Variants in PCNX4 observed in about 807,000 individuals in gnomAD.
PCNX4 encodes the protein pecanex 4.
In PCNX4, 103 loss-of-function variants were observed where a neutral mutation model predicts 107.2. The ratio of observed to expected loss-of-function variants is 0.96; its 90% CI spans 0.82 to 1.13. The LOEUF is 1.13. Ranked by LOEUF, PCNX4 falls within the 50% of genes most tolerant of loss-of-function variation. The probability of loss-of-function intolerance (pLI) is 0.00; values close to 1 mark genes in which losing one functional copy is unlikely to be tolerated. For missense variants in PCNX4, 1,528 were observed against 1,379.4 expected (o/e 1.11, Z -1.71); for synonymous variants, 541 against 481.7 (o/e 1.12, Z -1.61).
rs1428724226 is a variant in PCNX4 at position 60,134,506 on chromosome 14, A to G, written c.*285A>G. 3.0e-6 allele frequency: 1 copy of G among 330,800 alleles called. No individual in the cohort carries two copies. The highest frequency in any genetic ancestry group is 5.7e-5 in the South Asian group (1 of 17,580). The allele number at this position is 330,800 out of a possible 1,614,324, so 20.5% of individuals were successfully genotyped here. A position where few individuals can be genotyped will look rare whatever the true frequency, so the allele number is the denominator to read the frequency against. On this transcript the variant is annotated 3_prime_UTR_variant, in exon 11 of 11. Coordinates refer to ENST00000406854, the MANE Select transcript of PCNX4 (RefSeq NM_001330177.2). ...GAAAACTTTTGTAGAATTATCATAT[A>G]ATGAATTTTGTAATGCTTTCTTAAA...
intron 2 of PCNX4, among the ~76,000 whole-genome samples, chr14:60,111,940 A>G (rs1895747851): frequency 6.6e-6 from 1 of 152,230 alleles, no homozygotes; most frequent in Non-Finnish European, 1.5e-5. Context: ...TCATCTCTAG[A>G]CAATAGGTGT....
rs1896242244 is a variant in PCNX4, at chr14:60,136,525, T to C, written c.*2304T>C. On this transcript the variant is annotated 3_prime_UTR_variant, in exon 11 of 11. Transcript: ENST00000406854. ...ACTTGGTATATTAAAAACTGACTGTTAGATTTTGAAGGGAAGGTGAGAGTT... is the reference window on the plus strand; with the variant it reads ...ACTTGGTATATTAAAAACTGACTGTCAGATTTTGAAGGGAAGGTGAGAGTT... 1 of 152,290 alleles carries C rather than the reference T, an allele frequency of 6.6e-6. No individual in the cohort carries two copies. The highest frequency in any genetic ancestry group is 2.1e-4 in the South Asian group (1 of 4,830). 9.4% of individuals were successfully genotyped at this position (152,290 alleles called of 1,614,324 possible).
chr14:60,108,258 C>G lies in PCNX4; in HGVS notation c.620C>G (p.Thr207Ser). 11 of 1,612,626 alleles carry G rather than the reference C, an allele frequency of 6.8e-6. No individual in the cohort carries two copies. Among genetic ancestry groups the G allele is most frequent in the Non-Finnish European group, 8.5e-6 (10 of 1,179,730 alleles). The change falls in exon 2 of 11, where the codon ACT becomes AGT. Residue 207 changes from threonine (T) to serine (S), a missense_variant. Coordinates refer to ENST00000406854, the MANE Select transcript of PCNX4 (RefSeq NM_001330177.2). ...ACTGCGACTTTCCAAACACAGGATA[C>G]TTATGAAATTATTCCTCTTATGAGA... The part of the protein sequence containing the change: ...TETATFQTQD[T>S]YEIIPLMRPL...
rs1474064395 is a variant in PCNX4 at position 60,138,768 on chromosome 14, T to G, written c.*4547T>G. 1.3e-5 allele frequency: 2 copies of G among 152,024 alleles called. No homozygotes were observed. The highest frequency in any genetic ancestry group is 2.9e-5 in the Non-Finnish European group (2 of 67,974). 9.4% of individuals were successfully genotyped at this position (152,024 alleles called of 1,614,324 possible). On this transcript the variant is annotated 3_prime_UTR_variant, in exon 11 of 11. Coordinates refer to ENST00000406854, the MANE Select transcript of PCNX4 (RefSeq NM_001330177.2). ...AAAGATCCCAGAAAAAGGTTAGAGA[T>G]AAAGGTAGGAATGAACAGTAATTTA... is the stretch of plus-strand genomic sequence containing the variant.
At chr14:60,111,793 GT>G (rs1156799670) in intron 2 of PCNX4, among the ~76,000 whole-genome samples, 1 of 152,080 alleles carries the variant, frequency 6.6e-6, no homozygotes, top group African/African-American at 2.4e-5. Flanking sequence ...ATTACAAAGA[GT>G]TTTTTGTTTT....
rs768434293 is a variant in PCNX4 at position 60,133,984 on chromosome 14, G to A, written c.3282G>A (p.Gly1094=). 6.2e-7 allele frequency: 1 copy of A among 1,612,658 alleles called. No homozygotes were observed. Among genetic ancestry groups the A allele is most frequent in the Non-Finnish European group, 8.5e-7 (1 of 1,179,154 alleles). ...GYDSNMGIYT[G]RVLSLQELLI... ...TTACTTTAAAGGGAATTTACACTGGGAGAGTGCTTAGCCTTCAAGAATTAT... is the reference window on the plus strand; with the variant it reads ...TTACTTTAAAGGGAATTTACACTGGAAGAGTGCTTAGCCTTCAAGAATTAT... Residue 1094 remains glycine (G), a synonymous_variant, in exon 11 of 11, where the codon GGG becomes GGA. Transcript: ENST00000406854.
Position 60,124,983 on chromosome 14 carries a change from T to C in PCNX4, c.2812T>C (p.Tyr938His), listed in dbSNP as rs78310955. ...EMSSLFPEDW[Y>H]QFVLRQLECY... ...GAGCTCGTTATTTCCAGAAGACTGG[T>C]ACCAATTTGTTCTAAGGCAGTTGGA... The change falls in exon 9 of 11, where the codon TAC (tyrosine) becomes CAC (histidine). Residue 938 changes from tyrosine to histidine, a missense_variant. Physicochemically the swap from Tyr to His is moderately conservative, Grantham distance 83. Coordinates refer to ENST00000406854, the MANE Select transcript of PCNX4 (RefSeq NM_001330177.2). 493 of 1,613,860 alleles carry C rather than the reference T, an allele frequency of 3.1e-4. 6 individuals carry two copies. The East Asian group carries it at 0.011, about 35-fold the overall frequency.
chr14:60,128,202 T>C (rs1307413170), intron 10 of PCNX4, among the ~76,000 whole-genome samples: 2 of 152,224 alleles, frequency 1.3e-5, no homozygotes, highest in African/African-American at 4.8e-5. Flanking sequence ...CTGAAACTTC[T>C]TAAATTTATT....
Position 60,136,976 on chromosome 14 carries a change from C to T in PCNX4, c.*2755C>T, listed in dbSNP as rs558457148. ...CAAAATGGTGCAGTTTGGACTAACA[C>T]TAACGTTACTGAATTTTCCCTAAAA... is the stretch of plus-strand genomic sequence containing the variant. On this transcript the variant is annotated 3_prime_UTR_variant, in exon 11 of 11. Coordinates refer to ENST00000406854, the MANE Select transcript of PCNX4 (RefSeq NM_001330177.2). 2 of 152,550 alleles carry T rather than the reference C, an allele frequency of 1.3e-5. No homozygotes were observed. The highest frequency in any genetic ancestry group is 4.1e-4 in the South Asian group (2 of 4,824). 9.4% of individuals were successfully genotyped at this position (152,550 alleles called of 1,614,324 possible). A position where few individuals can be genotyped will look rare whatever the true frequency, so the allele number is the denominator to read the frequency against.
chr14:60,118,343 T>C lies in PCNX4; in HGVS notation c.1593T>C (p.Arg531=). The C allele has an allele frequency of 6.2e-7, 1 of 1,610,366 alleles. No individual in the cohort carries two copies. The highest frequency in any genetic ancestry group is 8.5e-7 in the Non-Finnish European group (1 of 1,177,660). The change falls in exon 7 of 11, where the codon CGT becomes CGC. Residue 531 remains arginine, a synonymous_variant. Transcript: ENST00000406854. ...GLRLLLVGII[R]DRLIQFISKL... ...CATTTCTACAGGTTGGTATCATACG[T>C]GATCGTTTGATTCAGTTCATCTCTA...
chr14:60,105,047 C>G (rs1034117790), intron 1 of PCNX4, among the ~76,000 whole-genome samples: 3 of 152,080 alleles, frequency 2.0e-5, no homozygotes, highest in African/African-American at 7.2e-5. Context: ...TTGCATTATA[C>G]CAATTATGCA....
chr14:60,131,844 C>T (rs993884003), intron 10 of PCNX4, among the ~76,000 whole-genome samples: 3 of 152,138 alleles, frequency 2.0e-5, no homozygotes, highest in Non-Finnish European at 4.4e-5. Flanking sequence ...TAATGATAGA[C>T]ATATAAATCA....
Position 60,117,508 on chromosome 14 carries a change from C to T in PCNX4, c.1579-821C>T, listed in dbSNP as rs919655386. Among the ~76,000 whole-genome samples the T allele has an allele frequency of 9.9e-5, 15 of 152,254 alleles. No homozygotes were observed. The East Asian group carries it at 1.5e-3, about 16-fold the overall frequency. ...ATAATATTCACTCAATGATGAGTCT[C>T]GTTATTAGTGAACATATGTTTTCAT... On this transcript the variant is annotated intron_variant, in intron 6 of 10. Coordinates refer to ENST00000406854, the MANE Select transcript of PCNX4 (RefSeq NM_001330177.2).
Position 60,124,662 on chromosome 14 carries a change from C to A in PCNX4, c.2491C>A (p.Pro831Thr). 6.2e-7 allele frequency: 1 copy of A among 1,613,372 alleles called. No homozygotes were observed. Reference sequence around the variant, plus strand: ...TGATGATAATATTTTTGATGATGAGCCAACTATCAAAAAAGTAATAGAAGA... The same window carrying A: ...TGATGATAATATTTTTGATGATGAGACAACTATCAAAAAAGTAATAGAAGA... ...WSDDNIFDDE[P>T]TIKKVIEEKH... The change falls in exon 9 of 11, where the codon CCA (proline) becomes ACA (threonine). Residue 831 changes from proline to threonine, a missense_variant. By Grantham distance (38) the Pro-to-Thr change is conservative. Coordinates refer to ENST00000406854, the MANE Select transcript of PCNX4 (RefSeq NM_001330177.2).
chr14:60,108,496 C>T, intron 2 of PCNX4, 169 bp downstream of exon 2: 1 of 504,900 alleles, frequency 2.0e-6, no homozygotes, highest in South Asian at 5.2e-5. Flanking sequence ...CTCTGTAAAA[C>T]ATACTAAAGC....
Position 60,140,655 on chromosome 14 carries a change from T to C in PCNX4, c.*6434T>C, listed in dbSNP as rs1896296633. 1 of 151,868 alleles carries C rather than the reference T, an allele frequency of 6.6e-6. No individual in the cohort carries two copies. Among genetic ancestry groups the C allele is most frequent in the Admixed American group, 6.6e-5 (1 of 15,216 alleles). 9.4% of individuals were successfully genotyped at this position (151,868 alleles called of 1,614,324 possible). A position where few individuals can be genotyped will look rare whatever the true frequency, so the allele number is the denominator to read the frequency against. Reference sequence around the variant, plus strand: ...ACAGAATAATCACAATCAAGTTGGGTTTCTTCCTGAAAAAGTGAGGTTGGT... The same window carrying C: ...ACAGAATAATCACAATCAAGTTGGGCTTCTTCCTGAAAAAGTGAGGTTGGT... On this transcript the variant is annotated 3_prime_UTR_variant, in exon 11 of 11. Transcript: ENST00000406854. This position sits in a 1 kb window ranked among gnomAD's most constrained non-coding sequence, Gnocchi z 4.2.
At chr14:60,128,538 A>C (rs965625078) in intron 10 of PCNX4, among the ~76,000 whole-genome samples, 13 of 152,186 alleles carry the variant, frequency 8.5e-5, no homozygotes, top group African/African-American at 3.1e-4. Context: ...AGAAATTCCC[A>C]GATAAACAAA....
chr14:60,098,278 G>C (rs1396752430), intron 1 of PCNX4, among the ~76,000 whole-genome samples: 6 of 152,096 alleles, frequency 3.9e-5, no homozygotes, highest in Non-Finnish European at 4.4e-5. Flanking sequence ...TTCCAAACCT[G>C]TAATAAGTTC....
At chr14:60,101,591 G>A (rs1895533565) in intron 1 of PCNX4, among the ~76,000 whole-genome samples, 1 of 152,126 alleles carries the variant, frequency 6.6e-6, no homozygotes, top group Non-Finnish European at 1.5e-5. Flanking sequence ...AAACAAAAGA[G>A]TGTTGGTGAG....
Sources: allele counts gnomAD v4.1 joint callset (sites outside exome capture counted in the v4.1 genomes callset), GRCh38; gene constraint gnomAD v4.1.1; non-coding constraint Gnocchi (gnomAD v3.1); transcripts MANE v1.5; gene names NCBI Gene and HGNC (gene_info 2026-07-23, HGNC 2026-07-21).